The following AKAP8L variants were observed in gnomAD, a reference collection of about 807,000 sequenced individuals.
AKAP8L encodes the protein A-kinase anchor protein 8-like.
A neutral mutation model predicts 77.5 loss-of-function variants in AKAP8L; 34 were observed. That is an observed-to-expected ratio of 0.44 (90% CI 0.33 to 0.58). AKAP8L has a LOEUF of 0.58. Ranked by LOEUF, AKAP8L falls within the 20% of genes least tolerant of loss-of-function variation. The pLI is 0.02. For synonymous variants in AKAP8L, 342 were observed against 340.7 expected, an observed-to-expected ratio of 1.00 and a Z score of -0.04; for missense variants, 806 against 887.6, an observed-to-expected ratio of 0.91 and a Z score of 1.17.
chr19:15,394,691 G>A (rs1009609952), intron 12 of AKAP8L, among the ~76,000 whole-genome samples: 1 of 152,118 alleles, frequency 6.6e-6, no homozygotes, highest in Non-Finnish European at 1.5e-5. Flanking sequence ...TTGCAGGCAT[G>A]AGCCACCACG....
intron 12 of AKAP8L, among the ~76,000 whole-genome samples, chr19:15,390,262 C>T (rs945733423): frequency 1.4e-4 from 21 of 151,804 alleles, no homozygotes; most frequent in African/African-American, 5.1e-4. Flanking sequence ...CAAAAAACTA[C>T]CAAAACTAGC....
rs1885028943 is a variant in AKAP8L at position 15,399,186 on chromosome 19, G to T, written c.1157+116C>A. 3.4e-6 allele frequency: 3 copies of T among 892,504 alleles called. No individual in the cohort carries two copies. The highest frequency in any genetic ancestry group is 3.6e-6 in the Non-Finnish European group (2 of 558,850). The allele number at this position is 892,504 out of a possible 1,614,324, so 55.3% of individuals were successfully genotyped here. A position where few individuals can be genotyped will look rare whatever the true frequency, so the allele number is the denominator to read the frequency against. On this transcript the variant is annotated intron_variant, in intron 9 of 13. Coordinates refer to ENST00000397410, the MANE Select transcript of AKAP8L (RefSeq NM_014371.4). This position sits in a 1 kb window ranked among gnomAD's most constrained non-coding sequence, Gnocchi z 6.1. ...AGCAGGGTCCATGCACGGCCGAGCAGGTGGCGGCTCCCAAGGGAGGCCAGA... is the reference window on the plus strand; with the variant it reads ...AGCAGGGTCCATGCACGGCCGAGCATGTGGCGGCTCCCAAGGGAGGCCAGA...
At chr19:15,380,699 A>C (rs1599582258) in intron 12 of AKAP8L, 87 bp from the exon 13 acceptor site, 24 of 1,248,632 alleles carry the variant, frequency 1.9e-5, no homozygotes, top group Middle Eastern at 2.2e-4. Context: ...GAGGGACCCC[A>C]CCCCGCCCCT....
In AKAP8L at chr19:15,380,227, C is replaced by A; in HGVS notation, c.1836G>T (p.Glu612Asp). ...CTCCCAGCAAGGGCACGGCGCCCTCCTCCTCCTCCTCTGGGGGCGGCGGCG... is the reference window on the plus strand; with the variant it reads ...CTCCCAGCAAGGGCACGGCGCCCTCATCCTCCTCCTCTGGGGGCGGCGGCG... ...PPPPPPPEEEEEGAVPLLGGA... is the reference protein window; with the variant it reads ...PPPPPPPEEEDEGAVPLLGGA... Residue 612 changes from glutamate (E) to aspartate (D), a missense_variant, in exon 14 of 14, where the codon GAG becomes GAT. Physicochemically the swap from Glu to Asp is conservative, Grantham distance 45. Transcript: ENST00000397410. 1 of 1,508,650 alleles carries A rather than the reference C, an allele frequency of 6.6e-7. No individual in the cohort carries two copies. The highest frequency in any genetic ancestry group is 8.8e-7 in the Non-Finnish European group (1 of 1,137,180). The allele number at this position is 1,508,650 out of a possible 1,614,324, so 93.5% of individuals were successfully genotyped here.
intron 2 of AKAP8L, among the ~76,000 whole-genome samples, chr19:15,407,567 T>C (rs1402499916): frequency 6.6e-6 from 1 of 152,180 alleles, no homozygotes; most frequent in Non-Finnish European, 1.5e-5. Flanking sequence ...ATTTCAAATA[T>C]TACAAGGTAA....
intron 12 of AKAP8L, among the ~76,000 whole-genome samples, chr19:15,393,908 A>G (rs1218746939): frequency 6.6e-6 from 1 of 151,516 alleles, no homozygotes; most frequent in Non-Finnish European, 1.5e-5. Context: ...TGTCTCAAAA[A>G]AAAAAAAAAA....
chr19:15,380,478 C>T (rs1967383839), intron 13 of AKAP8L, 39 bp downstream of exon 13: 6 of 1,613,184 alleles, frequency 3.7e-6, no homozygotes, highest in African/African-American at 1.3e-5. Context: ...CAGGCGGGGA[C>T]TAAGCTGGGG....
intron 1 of AKAP8L, among the ~76,000 whole-genome samples, chr19:15,418,152 C>T (rs1968243634): frequency 6.6e-6 from 1 of 152,216 alleles, no homozygotes; most frequent in Non-Finnish European, 1.5e-5. Flanking sequence ...CGTAGTGGAG[C>T]GACCCCCGCA....
In AKAP8L at chr19:15,397,127, G is replaced by C. The variant is rs1967792053; in HGVS notation, c.1536+23C>G. On this transcript the variant is annotated intron_variant, in intron 12 of 13. Transcript: ENST00000397410. This position sits in a 1 kb window ranked among gnomAD's most constrained non-coding sequence, Gnocchi z 4.7. ...TCACTCAATCTACCCACAGGACAGA[G>C]GGAGAGCACTGTGGCCACTCACCCT... is the stretch of plus-strand genomic sequence containing the variant. The C allele has an allele frequency of 6.2e-7, 1 of 1,612,796 alleles. No individual in the cohort carries two copies. The highest frequency in any genetic ancestry group is 8.5e-7 in the Non-Finnish European group (1 of 1,179,690).
At chr19:15,410,716 C>T (rs1185402615) in intron 1 of AKAP8L, 122 bp from the exon 2 acceptor site, 2 of 699,984 alleles carry the variant, frequency 2.9e-6, no homozygotes, top group Non-Finnish European at 5.0e-6. Flanking sequence ...GCCACCAAAA[C>T]CTCTAGATTC....
chr19:15,400,423 T>C, intron 7 of AKAP8L, 65 bp from the exon 8 acceptor site: 3 of 1,483,086 alleles, frequency 2.0e-6, no homozygotes, highest in Non-Finnish European at 2.8e-6. Context: ...AGAAACCAAG[T>C]TTATTAGAGC....
At chr19:15,391,057 G>C (rs1466302242) in intron 12 of AKAP8L, among the ~76,000 whole-genome samples, 2 of 152,110 alleles carry the variant, frequency 1.3e-5, no homozygotes, top group Non-Finnish European at 2.9e-5. Context: ...GTTCTAACCA[G>C]GGCAATTAGG....
chr19:15,404,179 C>G, intron 2 of AKAP8L, 137 bp from the exon 3 acceptor site: 2 of 810,338 alleles, frequency 2.5e-6, no homozygotes, highest in Non-Finnish European at 4.0e-6. Context: ...CTTGAGCTCG[C>G]GAGCACTGCG....
intron 2 of AKAP8L, among the ~76,000 whole-genome samples, chr19:15,404,944 A>G (rs1294544738): frequency 3.3e-5 from 5 of 152,254 alleles, no homozygotes; most frequent in African/African-American, 1.2e-4. Context: ...AATGGGAAGA[A>G]ATCAGAGAGA....
At chr19:15,416,759 C>G (rs769260834) in intron 1 of AKAP8L, among the ~76,000 whole-genome samples, 4 of 152,248 alleles carry the variant, frequency 2.6e-5, no homozygotes, top group Admixed American at 6.5e-5. Flanking sequence ...CTGCTCTCCT[C>G]TTCCCCTCTC....
chr19:15,391,754 G>A (rs985720214), intron 12 of AKAP8L, among the ~76,000 whole-genome samples: 16 of 151,858 alleles, frequency 1.1e-4, no homozygotes, highest in Non-Finnish European at 2.2e-4. Flanking sequence ...TAGCCAGGAT[G>A]GTCTGGATCT....
chr19:15,395,583 G>A (rs555364405), intron 12 of AKAP8L, among the ~76,000 whole-genome samples: 6 of 151,720 alleles, frequency 4.0e-5, no homozygotes, highest in African/African-American at 2.4e-5. Context: ...AAAGTGCTGG[G>A]ATTACACGCG....
intron 2 of AKAP8L, chr19:15,404,341 C>T: frequency 2.5e-6 from 1 of 392,652 alleles, no homozygotes; most frequent in South Asian, 3.3e-5. Flanking sequence ...AAGGTGACCT[C>T]CACACCCCAA....
Position 15,401,821 on chromosome 19 carries a change from C to G in AKAP8L, c.363-218G>C, listed in dbSNP as rs901323104. On this transcript the variant is annotated intron_variant, in intron 4 of 13. Transcript: ENST00000397410. The surrounding 1 kb of genome is among the most constrained non-coding windows in gnomAD (Gnocchi z 6.2). ...ATGTAGCCACACACTGGCTTGGGGA[C>G]CCTAAGAAGGACTGAAGGACTGATA... Among the ~76,000 whole-genome samples the G allele has an allele frequency of 6.6e-6, 1 of 152,214 alleles. No homozygotes were observed. Among genetic ancestry groups the G allele is most frequent in the African/African-American group, 2.4e-5 (1 of 41,460 alleles).
Sources: gnomAD v4.1 joint callset for allele counts (sites outside exome capture counted in the v4.1 genomes callset) on GRCh38, gnomAD v4.1.1 for gene constraint, Gnocchi (gnomAD v3.1) non-coding constraint, MANE v1.5 for transcripts, NCBI Gene and HGNC (gene_info 2026-07-23, HGNC 2026-07-21) for gene names.